Variants in COA1 observed in about 807,000 individuals in gnomAD.
COA1 encodes cytochrome c oxidase assembly factor 1 homolog.
Under a neutral mutation model 16.0 loss-of-function variants are expected in COA1, and 13 were observed. The observed-to-expected ratio is 0.81, with a 90% confidence interval of 0.53 to 1.29. COA1 has a LOEUF of 1.29. Ranked by LOEUF, COA1 falls within the 50% of genes most tolerant of loss-of-function variation. The pLI is 0.00. For missense variants in COA1, 179 were observed against 177.0 expected, an observed-to-expected ratio of 1.01 and a Z score of -0.06; for synonymous variants, 65 against 65.7, an observed-to-expected ratio of 0.99 and a Z score of 0.05.
chr7:43,651,166 A>G (rs1408032990), intron 1 of COA1, among the ~76,000 whole-genome samples: 1 of 152,250 alleles, frequency 6.6e-6, no homozygotes, highest in Admixed American at 6.5e-5. Flanking sequence ...TTCTAGTAAG[A>G]AGTGAAAATT....
At chr7:43,611,316 G>T (rs1355576927) in intron 6 of COA1, among the ~76,000 whole-genome samples, 1 of 152,164 alleles carries the variant, frequency 6.6e-6, no homozygotes, top group Non-Finnish European at 1.5e-5. Flanking sequence ...TCTTTTGAAA[G>T]ATGCCAATGT....
At position 43,657,943 on chromosome 7, in the gene COA1, AAAC is replaced by A. The variant is rs201112383; in HGVS notation, c.-38-9294_-38-9292del. ...ATGTTTATTAGGAAATTGCAAATTAAAACAACGAGAGGCGGAGGTTGCAGTGAG... is the reference window on the plus strand; with the variant it reads ...ATGTTTATTAGGAAATTGCAAATTAAAACGAGAGGCGGAGGTTGCAGTGAG... On this transcript the variant is annotated intron_variant, in intron 1 of 5. Coordinates refer to ENST00000223336, the MANE Select transcript of COA1 (RefSeq NM_018224.4). 3.4e-3 allele frequency among the ~76,000 whole-genome samples: 525 copies of A among 152,300 alleles called. 2 individuals are homozygous for A. The highest frequency in any genetic ancestry group is 0.012 in the African/African-American group (497 of 41,566).
chr7:43,727,886 T>A (rs538339396), intron 1 of COA1, among the ~76,000 whole-genome samples: 6 of 152,234 alleles, frequency 3.9e-5, no homozygotes, highest in African/African-American at 1.4e-4. Flanking sequence ...AACCAACTAA[T>A]GAAGGTGAAG....
chr7:43,714,297 ATGG>A (rs1204722416), intron 1 of COA1, among the ~76,000 whole-genome samples: 1 of 152,188 alleles, frequency 6.6e-6, no homozygotes, highest in Non-Finnish European at 1.5e-5. Context: ...TTATAAACCT[ATGG>A]CTTATTACTA....
At chr7:43,703,435 A>G (rs1475808584) in intron 1 of COA1, among the ~76,000 whole-genome samples, 2 of 152,144 alleles carry the variant, frequency 1.3e-5, no homozygotes, top group African/African-American at 4.8e-5. Flanking sequence ...AGGGTATTGA[A>G]GTCTCCCACT....
chr7:43,635,103 A>G (rs2085644484), downstream of COA1, among the ~76,000 whole-genome samples: 1 of 152,184 alleles, frequency 6.6e-6, no homozygotes, highest in Non-Finnish European at 1.5e-5. Flanking sequence ...GGTCCTAGAA[A>G]GTAGCTTAAT....
At chr7:43,647,418 A>G (rs746803297) in intron 3 of COA1, 117 bp downstream of exon 3, 1 of 780,388 alleles carries the variant, frequency 1.3e-6, no homozygotes, top group Admixed American at 2.0e-5. Flanking sequence ...TAGCCTTTAA[A>G]ATCACCCTCT....
chr7:43,727,648 G>A (rs551038249), intron 1 of COA1, among the ~76,000 whole-genome samples: 1 of 152,202 alleles, frequency 6.6e-6, no homozygotes, highest in South Asian at 2.1e-4. Flanking sequence ...GAATAATCCA[G>A]AATAGTCAAA....
intron 4 of COA1, among the ~76,000 whole-genome samples, chr7:43,644,791 C>CAGAG (rs1158900674): frequency 4.2e-5 from 1 of 23,704 alleles, no homozygotes; most frequent in African/African-American, 1.5e-4. Context: ...GGCAGGCAGG[C>CAGAG]AGAGAGACAG....
intron 1 of COA1, among the ~76,000 whole-genome samples, chr7:43,707,373 TAA>T (rs2095032139): frequency 6.6e-6 from 1 of 152,214 alleles, no homozygotes; most frequent in South Asian, 2.1e-4. Context: ...TTCTTTTTTT[TAA>T]AAGTCTATCA....
chr7:43,712,696 C>T (rs1286176888), intron 1 of COA1, among the ~76,000 whole-genome samples: 1 of 152,190 alleles, frequency 6.6e-6, no homozygotes, highest in East Asian at 1.9e-4. Flanking sequence ...TTCATTTCCC[C>T]TATTTTATCT....
chr7:43,647,396 G>A (rs180696151), intron 3 of COA1, 139 bp downstream of exon 3: 787 of 688,958 alleles, frequency 1.1e-3, no homozygotes, highest in Middle Eastern at 2.9e-3. Flanking sequence ...TATAGCCAAC[G>A]AAATGGTGGA....
chr7:43,657,642 A>T lies in COA1; in HGVS notation c.-38-8990T>A, dbSNP rs143962286. Among the ~76,000 whole-genome samples the T allele has an allele frequency of 1.4e-3, 220 of 152,322 alleles. 2 individuals carry two copies. The highest frequency in any genetic ancestry group is 2.5e-3 in the Admixed American group (38 of 15,298). On this transcript the variant is annotated intron_variant, in intron 1 of 5. Transcript: ENST00000223336. ...ACCCTGTGCTGTAGTGTGAGGAGAC[A>T]AACAGTAAACAAATAAGATCACTTC...
intron 1 of COA1, among the ~76,000 whole-genome samples, chr7:43,697,099 G>A (rs369108209): frequency 6.7e-6 from 1 of 150,192 alleles, no homozygotes; most frequent in East Asian, 2.0e-4. Context: ...ACTCCAGCCT[G>A]GCGACAGAGA....
chr7:43,637,210 C>T (rs1301270191), downstream of COA1, among the ~76,000 whole-genome samples: 1 of 152,148 alleles, frequency 6.6e-6, no homozygotes, highest in African/African-American at 2.4e-5. Context: ...TTTTTAGCAC[C>T]ACAGCTTGAA....
At chr7:43,664,127 G>GAGAGAGAGAGAGAGAGAGAGAGAGAT (rs1231238244) in intron 1 of COA1, among the ~76,000 whole-genome samples, 24 of 150,784 alleles carry the variant, frequency 1.6e-4, no homozygotes, top group African/African-American at 5.9e-4. Context: ...GAGAGAGAGA[G>GAGAGAGAGAGAGAGAGAGAGAGAGAT]AGAGTCTTGC....
chr7:43,711,083 C>T (rs1042044342), intron 1 of COA1, among the ~76,000 whole-genome samples: 1 of 151,676 alleles, frequency 6.6e-6, no homozygotes, highest in South Asian at 2.1e-4. Context: ...AATATCCCAT[C>T]CCACATTTTT....
chr7:43,688,359 C>T (rs996726260), intron 1 of COA1, among the ~76,000 whole-genome samples: 1 of 150,924 alleles, frequency 6.6e-6, no homozygotes, highest in African/African-American at 2.4e-5. Flanking sequence ...GATAAAAAAA[C>T]TTTCATTGAA....
downstream of COA1, chr7:43,638,787 G>C (rs2086374638): frequency 6.6e-6 from 1 of 152,166 alleles, no homozygotes; most frequent in Non-Finnish European, 1.5e-5. Context: ...ATGTTGGCCA[G>C]GCTGGTCTCA....
Sources: gnomAD v4.1 joint callset for allele counts (sites outside exome capture counted in the v4.1 genomes callset) on GRCh38, gnomAD v4.1.1 for gene constraint, MANE v1.5 for transcripts, NCBI Gene and HGNC (gene_info 2026-07-23, HGNC 2026-07-21) for gene names.